The following HMGB1 variants were observed in gnomAD, a reference collection of about 807,000 sequenced individuals.
HMGB1 encodes the protein high mobility group box 1.
For synonymous variants in HMGB1, 81 were observed against 84.0 expected (o/e 0.96, Z 0.19); for missense variants, 79 against 253.5 (o/e 0.31, Z 4.67).
chr13:30,496,276 C>T (rs1887608004), intron 1 of HMGB1, among the ~76,000 whole-genome samples: 1 of 152,186 alleles, frequency 6.6e-6, no homozygotes, highest in African/African-American at 2.4e-5. Context: ...ATCATCTGCA[C>T]ACCAGTCCTC....
intron 1 of HMGB1, among the ~76,000 whole-genome samples, chr13:30,522,181 T>G (rs562728172): frequency 6.6e-6 from 1 of 150,780 alleles, no homozygotes; most frequent in South Asian, 2.1e-4. Context: ...GGTATGATCA[T>G]AGCTCACTGC....
intron 1 of HMGB1, among the ~76,000 whole-genome samples, chr13:30,519,533 A>C (rs1330655675): frequency 4.5e-5 from 3 of 66,978 alleles, no homozygotes; most frequent in Non-Finnish European, 1.1e-4. Flanking sequence ...GTCTCTACTA[A>C]AAATACAAAA....
chr13:30,512,218 G>A (rs1256153984), intron 1 of HMGB1, among the ~76,000 whole-genome samples: 1 of 152,148 alleles, frequency 6.6e-6, no homozygotes, highest in Non-Finnish European at 1.5e-5. Flanking sequence ...AGTGACTGAG[G>A]AGGTCAAGGT....
In HMGB1 at chr13:30,463,543, T is replaced by C. The variant is rs751504781; in HGVS notation, c.138A>G (p.Ser46=). The C allele has an allele frequency of 9.3e-6, 15 of 1,612,230 alleles. No homozygotes were observed. The South Asian group carries it at 1.4e-4, about 15-fold the overall frequency. Residue 46 remains serine (S), a synonymous_variant, in exon 2 of 5, where the codon TCA becomes TCG. Coordinates refer to ENST00000341423, the MANE Select transcript of HMGB1 (RefSeq NM_002128.7). ...VNFSEFSKKC[S]ERWKTMSAKE... ...TAAGCCCTCTTACCTTCCACCTCTCTGAGCACTTCTTAGAAAACTCTGAGA... is the reference window on the plus strand; with the variant it reads ...TAAGCCCTCTTACCTTCCACCTCTCCGAGCACTTCTTAGAAAACTCTGAGA...
intron 1 of HMGB1, among the ~76,000 whole-genome samples, chr13:30,502,097 T>C (rs974133222): frequency 3.3e-5 from 5 of 152,234 alleles, no homozygotes; most frequent in African/African-American, 1.2e-4. Flanking sequence ...CTAAAAAGCA[T>C]TGGTTCCATA....
At chr13:30,479,685 C>A (rs1047324247) in intron 1 of HMGB1, among the ~76,000 whole-genome samples, 3 of 152,200 alleles carry the variant, frequency 2.0e-5, no homozygotes, top group African/African-American at 7.2e-5. Flanking sequence ...AGTGAATGAA[C>A]CTCTCTGAGC....
intron 1 of HMGB1, among the ~76,000 whole-genome samples, chr13:30,555,187 G>GCCCGCCACCAAGC (rs1869632267): frequency 6.6e-6 from 1 of 151,692 alleles, no homozygotes; most frequent in African/African-American, 2.4e-5. Flanking sequence ...GAATACAGGC[G>GCCCGCCACCAAGC]CCCGCCACCA....
chr13:30,580,515 CA>C lies in HMGB1; in HGVS notation c.-15+36155del, dbSNP rs1870852834. Among the ~76,000 whole-genome samples, 5 of 151,922 alleles carry C rather than the reference CA, an allele frequency of 3.3e-5. No individual in the cohort carries two copies. In the South Asian group the frequency reaches 1.0e-3, roughly 32 times the overall value. On this transcript the variant is annotated intron_variant, in intron 1 of 4. Coordinates refer to the HMGB1 transcript ENST00000405805. The stretch of plus-strand genomic sequence containing the variant: ...CATGATAATGGAATTCACAGGAGAG[CA>C]ATTTACCAAAAAAAAGAAATTTATT...
At chr13:30,555,849 C>G (rs1350455128) in intron 1 of HMGB1, among the ~76,000 whole-genome samples, 1 of 152,132 alleles carries the variant, frequency 6.6e-6, no homozygotes, top group Non-Finnish European at 1.5e-5. Flanking sequence ...CTACTCGTAA[C>G]CATAGTCTCC....
chr13:30,524,600 T>C (rs1421843681), intron 1 of HMGB1, among the ~76,000 whole-genome samples: 3 of 151,934 alleles, frequency 2.0e-5, no homozygotes, highest in Non-Finnish European at 4.4e-5. Context: ...GGAGAATCAT[T>C]TGAACCCAGG....
chr13:30,496,120 A>T (rs759395695), intron 1 of HMGB1, among the ~76,000 whole-genome samples: 1 of 152,234 alleles, frequency 6.6e-6, no homozygotes, highest in Non-Finnish European at 1.5e-5. Context: ...TTTTTAAGAA[A>T]TACATTTTTA....
intron 1 of HMGB1, among the ~76,000 whole-genome samples, chr13:30,508,888 G>A (rs1887929250): frequency 6.6e-6 from 1 of 152,150 alleles, no homozygotes; most frequent in African/African-American, 2.4e-5. Flanking sequence ...CCCAGTTCCT[G>A]ATCAGATACA....
At chr13:30,484,233 G>A (rs574016093) in intron 1 of HMGB1, among the ~76,000 whole-genome samples, 4 of 152,254 alleles carry the variant, frequency 2.6e-5, no homozygotes, top group East Asian at 1.9e-4. Flanking sequence ...CTACCCAGGC[G>A]TCTGTGACCT....
At chr13:30,466,626 C>T (rs1266445451), upstream of HMGB1, among the ~76,000 whole-genome samples, 1 of 152,190 alleles carries the variant, frequency 6.6e-6, no homozygotes, top group African/African-American at 2.4e-5. Flanking sequence ...AGTGAGCAGG[C>T]ATTCAGTTTC....
intron 1 of HMGB1, among the ~76,000 whole-genome samples, chr13:30,558,124 A>G (rs1224253611): frequency 2.0e-5 from 3 of 152,134 alleles, no homozygotes; most frequent in Admixed American, 6.5e-5. Context: ...AGAGAACAGG[A>G]TTTGAGTTGC....
At chr13:30,582,938 C>T (rs140233154) in intron 1 of HMGB1, among the ~76,000 whole-genome samples, 60 of 152,278 alleles carry the variant, frequency 3.9e-4, no homozygotes, top group African/African-American at 1.4e-3. Flanking sequence ...CAACTTTAGT[C>T]TGAAATCTCA....
Position 30,549,604 on chromosome 13 carries a change from G to A in HMGB1, c.-15+67067C>T, listed in dbSNP as rs141381439. 4.1e-3 allele frequency among the ~76,000 whole-genome samples: 631 copies of A among 152,092 alleles called. 2 individuals carry two copies. The highest frequency in any genetic ancestry group is 5.4e-3 in the Admixed American group (82 of 15,246). On this transcript the variant is annotated intron_variant, in intron 1 of 4. Transcript: ENST00000405805. ...GGGACAGGGCTTCACTATGTTGCCC[G>A]GGCTAGTCTTGAACTCCTGGCCTCA...
At chr13:30,524,405 G>A (rs184476505) in intron 1 of HMGB1, among the ~76,000 whole-genome samples, 2 of 149,854 alleles carry the variant, frequency 1.3e-5, no homozygotes, top group East Asian at 2.0e-4. Flanking sequence ...AGGTTTAATC[G>A]ACTCACAGTT....
intron 1 of HMGB1, among the ~76,000 whole-genome samples, chr13:30,482,343 A>G (rs991488673): frequency 1.6e-4 from 24 of 152,212 alleles, no homozygotes; most frequent in African/African-American, 5.8e-4. Flanking sequence ...GGAGATCAAG[A>G]TGGTAAAGAC....
Sources: gnomAD v4.1 joint callset for allele counts (sites outside exome capture counted in the v4.1 genomes callset) on GRCh38, gnomAD v4.1.1 for gene constraint, MANE v1.5 for transcripts, NCBI Gene and HGNC (gene_info 2026-07-23, HGNC 2026-07-21) for gene names.